Variants in DPYD observed in about 807,000 individuals in gnomAD.
The protein encoded by DPYD is dihydropyrimidine dehydrogenase, also known as dihydropyrimidine dehydrogenase [NADP(+)].
DPYD carries 109 observed loss-of-function variants against 116.2 expected under a neutral mutation model. The ratio of observed to expected loss-of-function variants is 0.94; its 90% CI spans 0.80 to 1.10. DPYD has a LOEUF of 1.10. Ranked by LOEUF, DPYD falls within the 50% of genes least tolerant of loss-of-function variation. DPYD has a pLI of 0.00. For missense variants in DPYD, 1,302 were observed against 1,254.5 expected (o/e 1.04, Z -0.57); for synonymous variants, 440 against 432.0 (o/e 1.02, Z -0.23).
At position 97,405,209 on chromosome 1, in the gene DPYD, A is replaced by G. The variant is rs566651425; in HGVS notation, c.1906-22748T>C. On this transcript the variant is annotated intron_variant, in intron 14 of 22. Coordinates refer to ENST00000370192, the MANE Select transcript of DPYD (RefSeq NM_000110.4). ...TTGTTACTATGATTATTTTGAACAA[A>G]TTGTTATTAGATCAATTAGGAGTAA... Among the ~76,000 whole-genome samples the G allele has an allele frequency of 3.6e-3, 555 of 152,136 alleles. 3 individuals carry two copies. Among genetic ancestry groups the G allele is most frequent in the African/African-American group, 0.013 (540 of 41,546 alleles).
At chr1:97,920,518 A>G (rs150804587) in intron 1 of DPYD, among the ~76,000 whole-genome samples, 50 of 152,318 alleles carry the variant, frequency 3.3e-4, no homozygotes, top group African/African-American at 1.2e-3. Context: ...GTGAAGGGGT[A>G]GAACGTGTGG....
intron 3 of DPYD, among the ~76,000 whole-genome samples, chr1:97,818,352 T>C (rs1239909712): frequency 1.3e-5 from 2 of 152,036 alleles, no homozygotes; most frequent in Admixed American, 6.6e-5. Context: ...TTAATAACAA[T>C]TAATTGTGTT....
intron 2 of DPYD, among the ~76,000 whole-genome samples, chr1:97,854,567 T>C (rs1571473988): frequency 6.6e-6 from 1 of 152,188 alleles, no homozygotes; most frequent in Admixed American, 6.5e-5. Context: ...AAGGCTTTTG[T>C]GTCAGAAAAC....
intron 2 of DPYD, among the ~76,000 whole-genome samples, chr1:97,868,900 A>G (rs1038379192): frequency 6.6e-5 from 10 of 151,828 alleles, no homozygotes; most frequent in Non-Finnish European, 1.0e-4. Flanking sequence ...CATGATTTAC[A>G]TAGTTTAAGC....
intron 13 of DPYD, among the ~76,000 whole-genome samples, chr1:97,504,438 T>G (rs1443954589): frequency 1.3e-5 from 2 of 151,984 alleles, no homozygotes; most frequent in Non-Finnish European, 2.9e-5. Context: ...GAAGTCACCT[T>G]AAGCTCTGTT....
intron 18 of DPYD, chr1:97,280,114 T>C (rs1475576729): frequency 6.6e-6 from 1 of 152,166 alleles, no homozygotes; most frequent in Non-Finnish European, 1.5e-5. Context: ...CTGTTAAATT[T>C]CACTCACATA....
At position 97,078,699 on chromosome 1, in the gene DPYD, CAT is replaced by C. The variant is rs1223329888; in HGVS notation, c.*275_*276del. On this transcript the variant is annotated 3_prime_UTR_variant, in exon 23 of 23. Coordinates refer to ENST00000370192, the MANE Select transcript of DPYD (RefSeq NM_000110.4). ...TTGCCACAAAAAAGTTAATTTTTCACATAAGACAACTGGCAGTGAACATCCAA... is the reference window on the plus strand; with the variant it reads ...TTGCCACAAAAAAGTTAATTTTTCACAAGACAACTGGCAGTGAACATCCAA... The C allele has an allele frequency of 4.7e-6, 2 of 426,506 alleles. No homozygotes were observed. Among genetic ancestry groups the C allele is most frequent in the Non-Finnish European group, 8.7e-6 (2 of 230,898 alleles). 26.4% of individuals were successfully genotyped at this position (426,506 alleles called of 1,614,324 possible). A position where few individuals can be genotyped will look rare whatever the true frequency, so the allele number is the denominator to read the frequency against.
At chr1:97,248,096 T>TCTGTC (rs1165151205) in intron 18 of DPYD, among the ~76,000 whole-genome samples, 3 of 152,150 alleles carry the variant, frequency 2.0e-5, no homozygotes, top group Non-Finnish European at 4.4e-5. Flanking sequence ...GACTCAAATA[T>TCTGTC]CTGTATTAAA....
chr1:97,512,818 T>C, intron 13 of DPYD, among the ~76,000 whole-genome samples: 1 of 151,892 alleles, frequency 6.6e-6, no homozygotes, highest in Non-Finnish European at 1.5e-5. Context: ...TTCATAACTA[T>C]ATTTTAAATA....
chr1:97,847,118 G>A (rs1342979497), intron 2 of DPYD, among the ~76,000 whole-genome samples: 1 of 152,100 alleles, frequency 6.6e-6, no homozygotes, highest in East Asian at 1.9e-4. Context: ...TTTAGAACTG[G>A]ACTATGTGAA....
chr1:97,318,466 G>T, intron 16 of DPYD, among the ~76,000 whole-genome samples: 1 of 151,674 alleles, frequency 6.6e-6, no homozygotes, highest in Non-Finnish European at 1.5e-5. Flanking sequence ...AACCAACAAA[G>T]ATCAAAAGGG....
At chr1:97,106,629 T>A (rs1651169351) in intron 20 of DPYD, among the ~76,000 whole-genome samples, 1 of 152,038 alleles carries the variant, frequency 6.6e-6, no homozygotes, top group Non-Finnish European at 1.5e-5. Context: ...GCCCCCCTCA[T>A]CTCCCAGTCC....
intron 8 of DPYD, among the ~76,000 whole-genome samples, chr1:97,598,196 C>T (rs1166040463): frequency 2.0e-5 from 3 of 151,646 alleles, no homozygotes; most frequent in East Asian, 1.9e-4. Flanking sequence ...AAATCAAGTT[C>T]CACAAAGAAA....
intron 21 of DPYD, among the ~76,000 whole-genome samples, chr1:97,086,991 A>C (rs1460799480): frequency 1.3e-5 from 2 of 152,194 alleles, no homozygotes; most frequent in African/African-American, 4.8e-5. Context: ...TGGTATATTC[A>C]CTTCTTGCCT....
chr1:97,748,887 A>C (rs930179903), intron 3 of DPYD, among the ~76,000 whole-genome samples: 6 of 152,324 alleles, frequency 3.9e-5, no homozygotes, highest in African/African-American at 1.4e-4. Flanking sequence ...ATTAAATTAA[A>C]AATGACAGGT....
Position 97,098,634 on chromosome 1 carries a change from T to C in DPYD, c.2623-2A>G. Reference sequence around the variant, plus strand: ...ATAAGGTCCAAAACTTGGCAGTTTCTAAAAGGAAAACACACAAATAAGGAA... The same window carrying C: ...ATAAGGTCCAAAACTTGGCAGTTTCCAAAAGGAAAACACACAAATAAGGAA... On this transcript the variant is annotated splice_acceptor_variant, in intron 20 of 22. Coordinates refer to ENST00000370192, the MANE Select transcript of DPYD (RefSeq NM_000110.4). LOFTEE classifies it high-confidence loss of function. The C allele has an allele frequency of 6.2e-7, 1 of 1,612,678 alleles. No homozygotes were observed. Among genetic ancestry groups the C allele is most frequent in the Non-Finnish European group, 8.5e-7 (1 of 1,179,254 alleles).
chr1:97,721,919 T>A (rs973177835), intron 4 of DPYD, among the ~76,000 whole-genome samples: 1 of 151,614 alleles, frequency 6.6e-6, no homozygotes, highest in Admixed American at 6.6e-5. Flanking sequence ...AAACTGAAGT[T>A]TAAAATATAA....
At chr1:97,385,814 T>C (rs1488613924) in intron 14 of DPYD, among the ~76,000 whole-genome samples, 1 of 152,120 alleles carries the variant, frequency 6.6e-6, no homozygotes, top group African/African-American at 2.4e-5. Flanking sequence ...ATAAGATATA[T>C]CCTCTCAAGT....
chr1:97,413,605 G>A (rs7543614), intron 14 of DPYD, among the ~76,000 whole-genome samples: 30,003 of 151,784 alleles, frequency 0.2, 3,185 homozygotes, highest in East Asian at 0.38. Context: ...CTGGGACTAC[G>A]GACACTACAG....
Sources: gnomAD v4.1 joint callset for allele counts (sites outside exome capture counted in the v4.1 genomes callset) on GRCh38, gnomAD v4.1.1 for gene constraint, MANE v1.5 for transcripts, NCBI Gene and HGNC (gene_info 2026-07-23, HGNC 2026-07-21) for gene names.